The following NKAIN3 variants were observed in gnomAD, a reference collection of about 807,000 sequenced individuals.
The protein encoded by NKAIN3 is sodium/potassium transporting ATPase interacting 3, also known as sodium/potassium-transporting ATPase subunit beta-1-interacting protein 3.
Under a neutral mutation model 30.2 loss-of-function variants are expected in NKAIN3, and 25 were observed. That is an observed-to-expected ratio of 0.83 (90% CI 0.60 to 1.16). The LOEUF is 1.16. NKAIN3 is among the 50% of genes most tolerant of loss of function. The pLI is 0.00. For missense variants in NKAIN3, 225 were observed against 254.1 expected (o/e 0.89, Z 0.78); for synonymous variants, 91 against 89.6 (o/e 1.02, Z -0.09).
At chr8:62,688,694 A>G (rs570529967) in intron 3 of NKAIN3, among the ~76,000 whole-genome samples, 3 of 152,150 alleles carry the variant, frequency 2.0e-5, no homozygotes, top group Non-Finnish European at 4.4e-5. Flanking sequence ...AACATTAAAA[A>G]CATCTATTTT....
rs552061407 is a variant in NKAIN3, at chr8:62,980,283, A to G, written c.*14876A>G. 20 of 152,286 alleles carry G rather than the reference A, an allele frequency of 1.3e-4. No individual in the cohort carries two copies. Among genetic ancestry groups the G allele is most frequent in the African/African-American group, 4.1e-4 (17 of 41,564 alleles). The allele number at this position is 152,286 out of a possible 1,614,324, so 9.4% of individuals were successfully genotyped here. A position where few individuals can be genotyped will look rare whatever the true frequency, so the allele number is the denominator to read the frequency against. ...TCACTTTTTAACTGCCTCACATACT[A>G]TCATTTCTTTGACAATTCTTTTTAA... is the stretch of plus-strand genomic sequence containing the variant. On this transcript the variant is annotated 3_prime_UTR_variant, in exon 7 of 7. Coordinates refer to ENST00000623646, the MANE Select transcript of NKAIN3 (RefSeq NM_001304533.3).
At chr8:62,964,743 A>G (rs1411175253) in intron 6 of NKAIN3, among the ~76,000 whole-genome samples, 1 of 152,060 alleles carries the variant, frequency 6.6e-6, no homozygotes, top group Non-Finnish European at 1.5e-5. Flanking sequence ...CACCCACATT[A>G]CAGACGGCAA....
At chr8:62,945,998 C>G (rs1432142190) in intron 5 of NKAIN3, among the ~76,000 whole-genome samples, 1 of 152,206 alleles carries the variant, frequency 6.6e-6, no homozygotes, top group East Asian at 1.9e-4. Flanking sequence ...ATGGACAATG[C>G]AGGCTCTTGG....
intron 4 of NKAIN3, among the ~76,000 whole-genome samples, chr8:62,816,139 T>C (rs1818671326): frequency 6.6e-6 from 1 of 152,188 alleles, no homozygotes; most frequent in African/African-American, 2.4e-5. Flanking sequence ...GTGCATCTGG[T>C]GGAACAGTCA....
chr8:62,573,675 CT>C (rs140760754), intron 1 of NKAIN3, among the ~76,000 whole-genome samples: 88 of 152,022 alleles, frequency 5.8e-4, no homozygotes, highest in Non-Finnish European at 1.1e-3. Context: ...TTCCACTGTT[CT>C]TTTTTTAAGT....
chr8:62,997,037 C>A (rs61518338), intron 5 of NKAIN3, among the ~76,000 whole-genome samples: 10,853 of 152,258 alleles, frequency 0.071, 434 homozygotes, highest in South Asian at 0.17. Context: ...CTAGGTAGTG[C>A]CCCAGTGAGG....
chr8:62,895,918 A>C (rs918994660), intron 4 of NKAIN3, among the ~76,000 whole-genome samples: 27 of 151,762 alleles, frequency 1.8e-4, no homozygotes, highest in South Asian at 2.1e-4. Context: ...AATGAGCCTC[A>C]CTTGTTTCTA....
At chr8:62,278,031 G>A (rs1473270005) in intron 1 of NKAIN3, among the ~76,000 whole-genome samples, 2 of 152,170 alleles carry the variant, frequency 1.3e-5, no homozygotes, top group Non-Finnish European at 2.9e-5. Flanking sequence ...CACGGAGACA[G>A]GCAGAGCAAG....
At chr8:62,862,451 T>C (rs73258788) in intron 4 of NKAIN3, among the ~76,000 whole-genome samples, 2,375 of 152,146 alleles carry the variant, frequency 0.016, 57 homozygotes, top group African/African-American at 0.054. Flanking sequence ...ACTGGTTTCT[T>C]GAAAAGAGCA....
chr8:62,937,695 G>C (rs58437381), intron 5 of NKAIN3, among the ~76,000 whole-genome samples: 2 of 151,922 alleles, frequency 1.3e-5, no homozygotes, highest in Non-Finnish European at 2.9e-5. Flanking sequence ...AATCTGTAGT[G>C]GGGGGGCAAA....
chr8:62,832,976 A>T (rs1819242932), intron 4 of NKAIN3, among the ~76,000 whole-genome samples: 1 of 152,158 alleles, frequency 6.6e-6, no homozygotes. Flanking sequence ...AACAAAACTT[A>T]ACATACGAAC....
chr8:62,366,363 A>T lies in NKAIN3; in HGVS notation c.54+117236A>T, dbSNP rs1263935170. Among the ~76,000 whole-genome samples, 4 of 151,846 alleles carry T rather than the reference A, an allele frequency of 2.6e-5. No individual in the cohort carries two copies. The East Asian group carries it at 7.7e-4, about 29-fold the overall frequency. The stretch of plus-strand genomic sequence containing the variant: ...TGCCTCAGCATCCCGAGTAGCTGGG[A>T]TTACAGGCATGCACCACTGTAGTTG... On this transcript the variant is annotated intron_variant, in intron 1 of 6. Coordinates refer to ENST00000623646, the MANE Select transcript of NKAIN3 (RefSeq NM_001304533.3).
At chr8:62,870,697 A>ATATATCTATATATCTATATCTC (rs1554586648) in intron 4 of NKAIN3, among the ~76,000 whole-genome samples, 1 of 107,816 alleles carries the variant, frequency 9.3e-6, no homozygotes, top group African/African-American at 3.9e-5. Flanking sequence ...CTCTCTATCT[A>ATATATCTATATATCTATATCTC]TATATCTATA....
At chr8:62,936,274 C>G (rs530387297) in intron 5 of NKAIN3, among the ~76,000 whole-genome samples, 1 of 152,020 alleles carries the variant, frequency 6.6e-6, no homozygotes, top group Non-Finnish European at 1.5e-5. Flanking sequence ...AGTAGACATC[C>G]GCTTCCTTTC....
chr8:62,871,421 A>AAC (rs1236488045), intron 4 of NKAIN3, among the ~76,000 whole-genome samples: 1 of 141,614 alleles, frequency 7.1e-6, no homozygotes, highest in African/African-American at 2.6e-5. Context: ...AAAAAAAACA[A>AAC]AAACAAACAA....
chr8:62,625,380 A>G (rs1329259478), intron 3 of NKAIN3, among the ~76,000 whole-genome samples: 2 of 152,256 alleles, frequency 1.3e-5, no homozygotes, highest in East Asian at 3.9e-4. Flanking sequence ...GCCTGAAGTC[A>G]TATGGCTAAT....
intron 1 of NKAIN3, among the ~76,000 whole-genome samples, chr8:62,559,988 G>C (rs1779253295): frequency 6.6e-6 from 1 of 152,030 alleles, no homozygotes; most frequent in South Asian, 2.1e-4. Context: ...TTCTTTATCT[G>C]AGACTGTCCT....
intron 1 of NKAIN3, among the ~76,000 whole-genome samples, chr8:62,576,046 A>G (rs1361604565): frequency 6.6e-6 from 1 of 152,118 alleles, no homozygotes; most frequent in African/African-American, 2.4e-5. Flanking sequence ...TCTCCAGGTC[A>G]TTGGACTGGG....
chr8:62,559,039 A>G (rs1399165717), intron 1 of NKAIN3, among the ~76,000 whole-genome samples: 1 of 151,938 alleles, frequency 6.6e-6, no homozygotes, highest in East Asian at 1.9e-4. Context: ...CAAAGAACAA[A>G]CTGCCAGTTT....
Sources: gnomAD v4.1 joint callset for allele counts (sites outside exome capture counted in the v4.1 genomes callset) on GRCh38, gnomAD v4.1.1 for gene constraint, MANE v1.5 for transcripts, NCBI Gene and HGNC (gene_info 2026-07-23, HGNC 2026-07-21) for gene names.